The following CDH13 variants were observed in gnomAD, a reference collection of about 807,000 sequenced individuals.
CDH13 encodes the protein cadherin 13, also known as cadherin-13.
Under a neutral mutation model 63.8 loss-of-function variants are expected in CDH13, and 24 were observed. The ratio of observed to expected loss-of-function variants is 0.38; its 90% CI spans 0.27 to 0.53. The LOEUF (loss-of-function observed/expected upper bound fraction) is 0.53. CDH13 is among the 20% of genes least tolerant of loss of function. The pLI is 0.85. For missense variants in CDH13, 1,049 were observed against 903.1 expected (o/e 1.16, Z -2.07); for synonymous variants, 503 against 355.3 (o/e 1.42, Z -4.67).
chr16:83,035,408 C>T (rs1230452385), intron 3 of CDH13, among the ~76,000 whole-genome samples: 1 of 152,146 alleles, frequency 6.6e-6, no homozygotes, highest in Non-Finnish European at 1.5e-5. Context: ...CAACCATGTG[C>T]CAGGTGTTGC....
intron 1 of CDH13, among the ~76,000 whole-genome samples, chr16:82,651,602 C>T (rs896577599): frequency 6.6e-6 from 1 of 152,208 alleles, no homozygotes; most frequent in Non-Finnish European, 1.5e-5. Flanking sequence ...CTTGTAATAA[C>T]CCTATTAGGG....
chr16:82,981,180 G>C (rs1910211581), intron 2 of CDH13, among the ~76,000 whole-genome samples: 2 of 152,062 alleles, frequency 1.3e-5, no homozygotes, highest in South Asian at 4.2e-4. Context: ...TTCAAAAGGA[G>C]GGCAATAGTA....
rs1197448361 is a variant in CDH13, at chr16:83,799,213, T to G, written c.*4183T>G. On this transcript the variant is annotated 3_prime_UTR_variant, in exon 14 of 14. Coordinates refer to ENST00000567109, the MANE Select transcript of CDH13 (RefSeq NM_001257.5). ...CTGAAACCCCAGCTACTCAGGAGGCTGAGGCAGGAGAATCGCTTGAACCCA... is the reference window on the plus strand; with the variant it reads ...CTGAAACCCCAGCTACTCAGGAGGCGGAGGCAGGAGAATCGCTTGAACCCA... 1 of 148,080 alleles carries G rather than the reference T, an allele frequency of 6.8e-6. No homozygotes were observed. The highest frequency in any genetic ancestry group is 1.5e-5 in the Non-Finnish European group (1 of 67,746). The allele number at this position is 148,080 out of a possible 1,614,324, so 9.2% of individuals were successfully genotyped here.
chr16:82,826,429 C>T (rs2038257249), intron 1 of CDH13: 1 of 151,938 alleles, frequency 6.6e-6, no homozygotes, highest in Non-Finnish European at 1.5e-5. Flanking sequence ...GAATTCAATC[C>T]CAAACTTGAA....
Position 83,500,233 on chromosome 16 carries a change from C to CTTCTTCTTCTTCTT in CDH13, c.960+13578_960+13579insTTCTTCTTCTTCTT, listed in dbSNP as rs1567715073. Among the ~76,000 whole-genome samples the CTTCTTCTTCTTCTT allele has an allele frequency of 1.1e-4, 2 of 19,026 alleles. 1 individual carries two copies. Among genetic ancestry groups the CTTCTTCTTCTTCTT allele is most frequent in the African/African-American group, 3.5e-4 (2 of 5,668 alleles). The allele number at this position is 19,026 out of a possible 152,430, so 12.5% of individuals were successfully genotyped here. On this transcript the variant is annotated intron_variant, in intron 7 of 13. Transcript: ENST00000567109. ...ATTCAGACACTAGTTTCTTTCTTCT[C>CTTCTTCTTCTTCTT]CTTCTTCTTCTTCTTCTTCTTCTTC...
intron 2 of CDH13, among the ~76,000 whole-genome samples, chr16:82,886,453 T>A (rs1450276270): frequency 6.6e-6 from 1 of 152,230 alleles, no homozygotes; most frequent in African/African-American, 2.4e-5. Flanking sequence ...TATTGCTATT[T>A]TATTAACTTG....
chr16:83,032,368 T>A, intron 3 of CDH13, 150 bp downstream of exon 3: 3 of 626,290 alleles, frequency 4.8e-6, no homozygotes, highest in Non-Finnish European at 8.3e-6. Flanking sequence ...TCTAAAAATG[T>A]AGATGAGGGG....
chr16:83,509,133 A>T (rs536311611), intron 7 of CDH13, among the ~76,000 whole-genome samples: 5 of 152,158 alleles, frequency 3.3e-5, no homozygotes, highest in South Asian at 4.1e-4. Flanking sequence ...GGCTTCCCAT[A>T]CTTAGGGTCA....
At chr16:82,662,592 G>T (rs559378437) in intron 1 of CDH13, among the ~76,000 whole-genome samples, 1 of 152,304 alleles carries the variant, frequency 6.6e-6, no homozygotes, top group Admixed American at 6.5e-5. Flanking sequence ...ATCAGGTCTT[G>T]CCCAGGCATA....
At chr16:83,056,642 G>A (rs1250635304) in intron 3 of CDH13, among the ~76,000 whole-genome samples, 1 of 152,166 alleles carries the variant, frequency 6.6e-6, no homozygotes, top group Non-Finnish European at 1.5e-5. Flanking sequence ...TCTATATTGA[G>A]CCAGGATGGT....
In CDH13 at chr16:83,086,638, A is replaced by G. The variant is rs192706231; in HGVS notation, c.367-38747A>G. Reference sequence around the variant, plus strand: ...TTGCTGTTTTGACCTTGACATTTAAACCATGCTTTGAAATTAAGTTTTGTG... The same window carrying G: ...TTGCTGTTTTGACCTTGACATTTAAGCCATGCTTTGAAATTAAGTTTTGTG... On this transcript the variant is annotated intron_variant, in intron 3 of 13. Transcript: ENST00000567109. Among the ~76,000 whole-genome samples, 186 of 152,298 alleles carry G rather than the reference A, an allele frequency of 1.2e-3. 1 individual carries two copies. The highest frequency in any genetic ancestry group is 9.9e-3 in the South Asian group (48 of 4,826).
At chr16:83,700,961 C>A (rs1906128735) in intron 10 of CDH13, among the ~76,000 whole-genome samples, 1 of 152,158 alleles carries the variant, frequency 6.6e-6, no homozygotes, top group Non-Finnish European at 1.5e-5. Flanking sequence ...TCTATTTACA[C>A]CCTCTTCCCC....
chr16:83,446,024 T>G (rs556170533), intron 6 of CDH13, among the ~76,000 whole-genome samples: 5 of 152,090 alleles, frequency 3.3e-5, no homozygotes, highest in African/African-American at 1.2e-4. Context: ...GAAGGTCAGG[T>G]GCTGTGGCTC....
chr16:83,192,535 C>G (rs1447246975), intron 4 of CDH13, among the ~76,000 whole-genome samples: 1 of 152,174 alleles, frequency 6.6e-6, no homozygotes, highest in East Asian at 1.9e-4. Context: ...AGTGATATCC[C>G]CAGAGCTGTA....
At chr16:83,380,200 T>C (rs2091537595) in intron 6 of CDH13, among the ~76,000 whole-genome samples, 1 of 151,760 alleles carries the variant, frequency 6.6e-6, no homozygotes, top group Admixed American at 6.6e-5. Flanking sequence ...TTAAGCTTTA[T>C]CTGTAATATT....
intron 1 of CDH13, among the ~76,000 whole-genome samples, chr16:82,681,407 G>C (rs1032825818): frequency 6.6e-6 from 1 of 152,184 alleles, no homozygotes; most frequent in Admixed American, 6.5e-5. Context: ...AGGTGGAAAC[G>C]TTGTGAAGCT....
intron 2 of CDH13, among the ~76,000 whole-genome samples, chr16:82,862,237 A>T (rs1331858261): frequency 6.6e-6 from 1 of 152,212 alleles, no homozygotes; most frequent in South Asian, 2.1e-4. Flanking sequence ...TGGTTACATC[A>T]TGACACCCAG....
intron 4 of CDH13, among the ~76,000 whole-genome samples, chr16:83,132,426 C>T (rs1176926510): frequency 8.4e-6 from 1 of 118,652 alleles, no homozygotes; most frequent in Non-Finnish European, 1.7e-5. Context: ...TAATTTCTAC[C>T]CCCCACCCAC....
intron 6 of CDH13, among the ~76,000 whole-genome samples, chr16:83,432,198 A>G (rs2072138759): frequency 6.6e-6 from 1 of 152,174 alleles, no homozygotes; most frequent in East Asian, 1.9e-4. Flanking sequence ...GGAATCTTTT[A>G]TCCACAAGGT....
Sources: gnomAD v4.1 joint callset for allele counts (sites outside exome capture counted in the v4.1 genomes callset) on GRCh38, gnomAD v4.1.1 for gene constraint, MANE v1.5 for transcripts, NCBI Gene and HGNC (gene_info 2026-07-23, HGNC 2026-07-21) for gene names.